DCC: variants seen among roughly 807,000 people sequenced by gnomAD.
DCC encodes DCC netrin 1 receptor, also known as netrin receptor DCC.
DCC carries 58 observed loss-of-function variants against 172.5 expected under a neutral mutation model. The observed-to-expected ratio is 0.34, with a 90% CI of 0.27 to 0.42. The LOEUF is 0.42. Ranked by LOEUF, DCC falls within the 10% of genes least tolerant of loss-of-function variation. The pLI is 1.00. For missense variants in DCC, 1,740 were observed against 1,791.0 expected, an observed-to-expected ratio of 0.97 and a Z score of 0.51; for synonymous variants, 709 against 644.5, an observed-to-expected ratio of 1.10 and a Z score of -1.52.
intron 2 of DCC, among the ~76,000 whole-genome samples, chr18:52,837,107 CAG>C (rs1308700274): frequency 1.3e-5 from 2 of 152,268 alleles, no homozygotes; most frequent in Non-Finnish European, 1.5e-5. Flanking sequence ...GTCTGGGAAA[CAG>C]GGCACCAAGT....
At chr18:53,016,670 G>A (rs1038657981) in intron 5 of DCC, among the ~76,000 whole-genome samples, 1 of 152,062 alleles carries the variant, frequency 6.6e-6, no homozygotes, top group Admixed American at 6.6e-5. Flanking sequence ...ATGGGAGTGA[G>A]AGTACTTTGT....
At chr18:52,691,133 T>C (rs1346257171) in intron 1 of DCC, among the ~76,000 whole-genome samples, 1 of 152,158 alleles carries the variant, frequency 6.6e-6, no homozygotes. Flanking sequence ...GGAAGCTCTA[T>C]TGTAGTGAAA....
chr18:52,360,358 A>C (rs1161866615), intron 1 of DCC, among the ~76,000 whole-genome samples: 1 of 152,244 alleles, frequency 6.6e-6, no homozygotes, highest in African/African-American at 2.4e-5. Flanking sequence ...ATACAGCTTT[A>C]GAATGCTAAT....
chr18:53,012,539 A>G (rs2041745531), intron 5 of DCC, among the ~76,000 whole-genome samples: 4 of 152,112 alleles, frequency 2.6e-5, no homozygotes, highest in Admixed American at 2.6e-4. Context: ...ATAGGGCACA[A>G]AAGTTTAGCA....
intron 5 of DCC, among the ~76,000 whole-genome samples, chr18:52,967,675 T>C (rs1010698994): frequency 6.6e-6 from 1 of 152,200 alleles, no homozygotes; most frequent in Admixed American, 6.5e-5. Context: ...TGCTTTCTCC[T>C]CTTCTGATAT....
At chr18:53,076,049 A>G (rs1211276055) in intron 7 of DCC, among the ~76,000 whole-genome samples, 2 of 152,172 alleles carry the variant, frequency 1.3e-5, no homozygotes, top group African/African-American at 4.8e-5. Flanking sequence ...ACTCCAGTAG[A>G]TCATCAGAAT....
intron 14 of DCC, among the ~76,000 whole-genome samples, chr18:53,337,825 G>A (rs76051426): frequency 0.04 from 6,068 of 152,246 alleles, 147 homozygotes; most frequent in East Asian, 0.14. Flanking sequence ...GGAGGGGGCT[G>A]TGCCAGTTTT....
At chr18:53,323,532 G>T (rs1451042037) in intron 14 of DCC, among the ~76,000 whole-genome samples, 1 of 152,166 alleles carries the variant, frequency 6.6e-6, no homozygotes, top group Non-Finnish European at 1.5e-5. Context: ...TTGGAGAATA[G>T]CAAAGAAAGA....
At chr18:52,737,228 T>C (rs2036743891) in intron 1 of DCC, among the ~76,000 whole-genome samples, 2 of 152,092 alleles carry the variant, frequency 1.3e-5, no homozygotes. Context: ...AACAGCTGGA[T>C]AGAAGCACAA....
intron 27 of DCC, among the ~76,000 whole-genome samples, chr18:53,512,979 C>T (rs999450035): frequency 5.9e-5 from 9 of 152,056 alleles, no homozygotes; most frequent in Middle Eastern, 6.8e-3. Context: ...AGATACTCCT[C>T]GAGAAGAGCA....
chr18:53,094,435 A>G (rs2043055995), intron 7 of DCC, among the ~76,000 whole-genome samples: 1 of 152,190 alleles, frequency 6.6e-6, no homozygotes, highest in East Asian at 1.9e-4. Context: ...TTTTAGCCCA[A>G]TTCTTACTAT....
intron 7 of DCC, among the ~76,000 whole-genome samples, chr18:53,107,841 C>T (rs900291402): frequency 1.3e-5 from 2 of 151,750 alleles, no homozygotes; most frequent in African/African-American, 4.8e-5. Flanking sequence ...TTTTCCTGTG[C>T]TTTATTTAAG....
At chr18:53,358,389 A>G (rs979326627) in intron 15 of DCC, among the ~76,000 whole-genome samples, 1 of 152,088 alleles carries the variant, frequency 6.6e-6, no homozygotes, top group African/African-American at 2.4e-5. Flanking sequence ...CTTGTAATAG[A>G]TAGTAGGCTT....
chr18:53,039,004 G>A (rs2042132154), intron 5 of DCC, among the ~76,000 whole-genome samples: 1 of 151,972 alleles, frequency 6.6e-6, no homozygotes, highest in African/African-American at 2.4e-5. Context: ...TCACATCAGG[G>A]AAAAAATATC....
intron 1 of DCC, among the ~76,000 whole-genome samples, chr18:52,495,283 G>A (rs898656349): frequency 1.3e-5 from 2 of 152,054 alleles, no homozygotes; most frequent in Non-Finnish European, 2.9e-5. Flanking sequence ...CTTTTAAGTG[G>A]GATCCTGACA....
At chr18:52,751,971 G>C in intron 1 of DCC, 83 bp from the exon 2 acceptor site, 2 of 1,204,766 alleles carry the variant, frequency 1.7e-6, no homozygotes, top group Non-Finnish European at 2.4e-6. Flanking sequence ...TTTGTGAAAA[G>C]CTTTGTAAAG....
At chr18:53,219,353 G>A (rs1335276491) in intron 12 of DCC, among the ~76,000 whole-genome samples, 1 of 152,036 alleles carries the variant, frequency 6.6e-6, no homozygotes, top group Non-Finnish European at 1.5e-5. Context: ...TAAAGAATTA[G>A]CGAAAACACA....
chr18:52,815,895 T>C (rs898066670), intron 2 of DCC, among the ~76,000 whole-genome samples: 4 of 152,152 alleles, frequency 2.6e-5, no homozygotes, highest in African/African-American at 9.7e-5. Context: ...ACAGAATGTG[T>C]CCAAAGGCCA....
intron 17 of DCC, among the ~76,000 whole-genome samples, chr18:53,392,224 T>C (rs1035970575): frequency 2.0e-5 from 3 of 151,866 alleles, no homozygotes; most frequent in South Asian, 4.2e-4. Flanking sequence ...GATTTTGGTA[T>C]CTTTTTTTTT....
Sources: allele counts gnomAD v4.1 joint callset (sites outside exome capture counted in the v4.1 genomes callset), GRCh38; gene constraint gnomAD v4.1.1; transcripts MANE v1.5; gene names NCBI Gene and HGNC (gene_info 2026-07-23, HGNC 2026-07-21).